Variants in CSMD3 observed in about 807,000 individuals in gnomAD.
CSMD3 encodes CUB and sushi domain-containing protein 3.
CSMD3 carries 177 observed loss-of-function variants against 435.2 expected under a neutral mutation model. The ratio of observed to expected loss-of-function variants is 0.41; its 90% CI spans 0.36 to 0.46. CSMD3 has a LOEUF of 0.46. CSMD3 is among the 20% of genes least tolerant of loss of function. The pLI is 0.34. For missense variants in CSMD3, 4,265 were observed against 4,504.6 expected, an observed-to-expected ratio of 0.95 and a Z score of 1.52; for synonymous variants, 1,656 against 1,520.5, an observed-to-expected ratio of 1.09 and a Z score of -2.07.
chr8:112,933,385 G>A (rs1005440885), intron 9 of CSMD3, among the ~76,000 whole-genome samples: 3 of 152,034 alleles, frequency 2.0e-5, no homozygotes, highest in South Asian at 2.1e-4. Flanking sequence ...ATTTTACACC[G>A]AATTGTAATA....
At chr8:112,804,805 CAG>C (rs1488869674) in intron 12 of CSMD3, among the ~76,000 whole-genome samples, 4 of 152,032 alleles carry the variant, frequency 2.6e-5, no homozygotes, top group Non-Finnish European at 5.9e-5. Flanking sequence ...GCTGGGACTA[CAG>C]GTGTGCACCA....
intron 13 of CSMD3, among the ~76,000 whole-genome samples, chr8:112,796,822 C>G (rs993824826): frequency 6.6e-6 from 1 of 151,864 alleles, no homozygotes; most frequent in African/African-American, 2.4e-5. Flanking sequence ...AGAATGGCCA[C>G]GACTTTGTTA....
intron 9 of CSMD3, 54 bp from the exon 10 acceptor site, chr8:112,921,805 T>G: frequency 7.2e-7 from 1 of 1,391,240 alleles, no homozygotes; most frequent in Non-Finnish European, 1.0e-6. Flanking sequence ...ACATAATAAC[T>G]AGGCTTCACT....
At chr8:112,404,387 G>A (rs188820152) in intron 35 of CSMD3, among the ~76,000 whole-genome samples, 4 of 152,008 alleles carry the variant, frequency 2.6e-5, no homozygotes, top group Admixed American at 1.3e-4. Flanking sequence ...AAAATTAGCC[G>A]AGCATGGTGG....
chr8:112,421,403 G>C (rs1211880835), intron 32 of CSMD3, among the ~76,000 whole-genome samples: 2 of 151,542 alleles, frequency 1.3e-5, no homozygotes, highest in African/African-American at 4.8e-5. Flanking sequence ...AATTAGGTAA[G>C]AGTGGTGGCA....
intron 34 of CSMD3, among the ~76,000 whole-genome samples, chr8:112,407,929 T>C (rs914120063): frequency 2.6e-5 from 4 of 152,070 alleles, no homozygotes; most frequent in African/African-American, 9.6e-5. Context: ...ACTGATTTCC[T>C]TGGCATGTTT....
intron 31 of CSMD3, among the ~76,000 whole-genome samples, chr8:112,477,332 T>C (rs116794992): frequency 2.6e-5 from 4 of 152,330 alleles, no homozygotes; most frequent in African/African-American, 9.6e-5. Context: ...GCTTATAATA[T>C]GACTGCTATA....
intron 61 of CSMD3, among the ~76,000 whole-genome samples, chr8:112,260,286 C>T (rs1816254208): frequency 1.3e-5 from 2 of 152,102 alleles, no homozygotes; most frequent in South Asian, 4.1e-4. Flanking sequence ...AGCGGTATGA[C>T]CTTAGGCCTT....
At chr8:112,294,408 A>C (rs907370060) in intron 54 of CSMD3, among the ~76,000 whole-genome samples, 8 of 152,130 alleles carry the variant, frequency 5.3e-5, no homozygotes, top group African/African-American at 7.2e-5. Context: ...TTATTTACTA[A>C]TAATAATTTT....
At chr8:112,659,540 T>G (rs192240859) in intron 17 of CSMD3, among the ~76,000 whole-genome samples, 38 of 152,268 alleles carry the variant, frequency 2.5e-4, no homozygotes, top group African/African-American at 7.9e-4. Flanking sequence ...TCTGAAAGAC[T>G]GATAGTGATA....
chr8:112,826,551 C>T (rs2079686512), intron 12 of CSMD3, among the ~76,000 whole-genome samples: 1 of 152,158 alleles, frequency 6.6e-6, no homozygotes, highest in Middle Eastern at 3.2e-3. Flanking sequence ...CCCTCACCAC[C>T]TCCCTTGGCT....
chr8:113,251,255 A>G (rs2093332467), intron 3 of CSMD3, among the ~76,000 whole-genome samples: 1 of 152,040 alleles, frequency 6.6e-6, no homozygotes. Context: ...ATGGAGAAAC[A>G]GAGAGAAACA....
chr8:112,829,762 C>T lies in CSMD3; in HGVS notation c.1783G>A (p.Asp595Asn), dbSNP rs1268246071. 1 of 1,610,740 alleles carries T rather than the reference C, an allele frequency of 6.2e-7. No individual in the cohort carries two copies. The highest frequency in any genetic ancestry group is 8.5e-7 in the Non-Finnish European group (1 of 1,177,106). ...KVIQINFEEF[D>N]LEIGYDTLTI... ...AAGGTATCATAGCCAATCTCCAGAT[C>T]AAATTCTTCAAAATTTATCTGGATA... Residue 595 changes from aspartate to asparagine, a missense_variant, in exon 12 of 71, where the codon GAT becomes AAT. By Grantham distance (23) the Asp-to-Asn change is conservative. This residue lies in a region of CSMD3 where 731 missense variants were observed against 755.4 expected (regional missense o/e 0.97). Coordinates refer to ENST00000297405, the MANE Select transcript of CSMD3 (RefSeq NM_198123.2).
chr8:113,004,649 T>A (rs1386762456), intron 6 of CSMD3, among the ~76,000 whole-genome samples: 1 of 151,946 alleles, frequency 6.6e-6, no homozygotes, highest in East Asian at 1.9e-4. Flanking sequence ...ATTTTATAGC[T>A]GTGGAATCAA....
intron 10 of CSMD3, among the ~76,000 whole-genome samples, chr8:112,916,766 T>C (rs2082584280): frequency 6.6e-6 from 1 of 151,966 alleles, no homozygotes; most frequent in Admixed American, 6.6e-5. Context: ...AATGATCTTA[T>C]TACTACCTTC....
chr8:112,489,068 G>A (rs777525002), intron 31 of CSMD3, among the ~76,000 whole-genome samples: 8 of 151,848 alleles, frequency 5.3e-5, no homozygotes, highest in East Asian at 1.9e-4. Context: ...TTGTTTTTAC[G>A]AACAATGAAC....
intron 32 of CSMD3, among the ~76,000 whole-genome samples, chr8:112,418,897 A>G (rs2130244763): frequency 6.6e-6 from 1 of 152,332 alleles, no homozygotes; most frequent in Admixed American, 6.5e-5. Flanking sequence ...AATATTATTT[A>G]AAATATTGTA....
intron 10 of CSMD3, among the ~76,000 whole-genome samples, chr8:112,862,646 A>T (rs546627460): frequency 6.6e-6 from 1 of 152,206 alleles, no homozygotes; most frequent in African/African-American, 2.4e-5. Context: ...CAAATTCATT[A>T]TTATGGAAAG....
rs369861597 is a variant in CSMD3, at chr8:112,260,459, C to A, written c.9862+3180G>T. Among the ~76,000 whole-genome samples the A allele has an allele frequency of 1.7e-4, 26 of 152,204 alleles. No individual in the cohort carries two copies. The East Asian group carries it at 4.3e-3, about 25-fold the overall frequency. On this transcript the variant is annotated intron_variant, in intron 61 of 70. Coordinates refer to ENST00000297405, the MANE Select transcript of CSMD3 (RefSeq NM_198123.2). The stretch of plus-strand genomic sequence containing the variant: ...TGTAGTAGAAATGATATACGTAAAG[C>A]AACTGAGACAAAGATAGCGTTATTA...
Sources: allele counts gnomAD v4.1 joint callset (sites outside exome capture counted in the v4.1 genomes callset), GRCh38; gene constraint gnomAD v4.1.1; regional missense constraint gnomAD v4.1.1; transcripts MANE v1.5; gene names NCBI Gene and HGNC (gene_info 2026-07-23, HGNC 2026-07-21).